Variants in TBCEL observed in about 807,000 individuals in gnomAD.
The protein encoded by TBCEL is tubulin-specific chaperone cofactor E-like protein.
TBCEL carries 15 observed loss-of-function variants against 44.2 expected under a neutral mutation model. The ratio of observed to expected loss-of-function variants is 0.34; its 90% CI spans 0.23 to 0.52. TBCEL has a LOEUF of 0.52. Ranked by LOEUF, TBCEL falls within the 20% of genes least tolerant of loss-of-function variation. The pLI is 0.95. For synonymous variants in TBCEL, 171 were observed against 185.4 expected (o/e 0.92, Z 0.63); for missense variants, 319 against 506.3 (o/e 0.63, Z 3.55).
chr11:121,028,851 T>C (rs543006156), intron 1 of TBCEL, among the ~76,000 whole-genome samples: 2 of 152,232 alleles, frequency 1.3e-5, no homozygotes, highest in African/African-American at 2.4e-5. Context: ...CATAAAGGTG[T>C]TTCCGCCTTC....
intron 8 of TBCEL, among the ~76,000 whole-genome samples, chr11:121,068,576 A>T (rs1315179360): frequency 6.6e-6 from 1 of 151,924 alleles, no homozygotes; most frequent in Admixed American, 6.6e-5. Flanking sequence ...CTAAGAACTC[A>T]AGTTGATTTT....
Position 121,087,172 on chromosome 11 carries a change from G to A in TBCEL, c.*76G>A. ...TTTGTTTTTAATGTGGTTTTCTTTA[G>A]GAGGGAGAGGTTGTTTTTGTTTTGT... On this transcript the variant is annotated 3_prime_UTR_variant, in exon 9 of 9. Coordinates refer to ENST00000683345, the MANE Select transcript of TBCEL (RefSeq NM_001363644.2). 2 of 1,374,508 alleles carry A rather than the reference G, an allele frequency of 1.5e-6. No individual in the cohort carries two copies. The highest frequency in any genetic ancestry group is 2.0e-6 in the Non-Finnish European group (2 of 1,008,750). 85.1% of individuals were successfully genotyped at this position (1,374,508 alleles called of 1,614,324 possible).
intron 2 of TBCEL, among the ~76,000 whole-genome samples, chr11:121,038,448 AAAC>A (rs1319122213): frequency 6.6e-6 from 1 of 152,196 alleles, no homozygotes; most frequent in Non-Finnish European, 1.5e-5. Context: ...TTAGAAAACA[AAAC>A]AAAAATTCCA....
In TBCEL at chr11:121,078,514, C is replaced by T. The variant is rs192958548; in HGVS notation, c.957-8264C>T. ...AAGCACCAAGTGATTTAATTCAGTT[C>T]CTGGTGGTGGAGCTATCTTTTTATT... On this transcript the variant is annotated intron_variant, in intron 8 of 8. Transcript: ENST00000683345. Among the ~76,000 whole-genome samples the T allele has an allele frequency of 2.6e-3, 395 of 152,268 alleles. 1 individual carries two copies. Among genetic ancestry groups the T allele is most frequent in the Non-Finnish European group, 4.3e-3 (292 of 68,006 alleles).
Position 121,087,139 on chromosome 11 carries a change from G to A in TBCEL, c.*43G>A, listed in dbSNP as rs768070185. On this transcript the variant is annotated 3_prime_UTR_variant, in exon 9 of 9. Transcript: ENST00000683345. Reference sequence around the variant, plus strand: ...AAAAACATACACATAAGGACTTGTTGCAGGGCATTTGTTTTTAATGTGGTT... The same window carrying A: ...AAAAACATACACATAAGGACTTGTTACAGGGCATTTGTTTTTAATGTGGTT... 4 of 1,546,426 alleles carry A rather than the reference G, an allele frequency of 2.6e-6. No individual in the cohort carries two copies. In the African/African-American group the frequency reaches 5.5e-5, roughly 21 times the overall value.
intron 2 of TBCEL, among the ~76,000 whole-genome samples, chr11:121,037,525 A>G (rs1195164538): frequency 6.6e-6 from 1 of 152,216 alleles, no homozygotes. Context: ...AAGTGTTTAT[A>G]TGGGAGAGAT....
intron 1 of TBCEL, among the ~76,000 whole-genome samples, chr11:121,033,446 C>T (rs889333611): frequency 3.3e-5 from 5 of 152,194 alleles, no homozygotes; most frequent in Middle Eastern, 3.4e-3. Context: ...AGATTGTATA[C>T]ATCGTAAATT....
intron 8 of TBCEL, among the ~76,000 whole-genome samples, chr11:121,065,790 C>T (rs1368769820): frequency 2.0e-5 from 3 of 152,238 alleles, no homozygotes; most frequent in African/African-American, 7.2e-5. Flanking sequence ...ATCACCAGCA[C>T]AGCACAGCAC....
intron 2 of TBCEL, among the ~76,000 whole-genome samples, chr11:121,044,998 C>G (rs1473649751): frequency 2.0e-5 from 3 of 152,058 alleles, no homozygotes; most frequent in Non-Finnish European, 4.4e-5. Context: ...GGATGCAGAG[C>G]CCTTTCAGCA....
intron 1 of TBCEL, among the ~76,000 whole-genome samples, chr11:121,031,657 T>C (rs886773375): frequency 1.3e-5 from 2 of 148,654 alleles, no homozygotes; most frequent in African/African-American, 2.5e-5. Context: ...ATTTCTTTTT[T>C]CTTTCTTTTT....
intron 8 of TBCEL, among the ~76,000 whole-genome samples, chr11:121,064,732 T>C (rs1333632586): frequency 6.6e-6 from 1 of 152,204 alleles, no homozygotes; most frequent in East Asian, 1.9e-4. Context: ...GGAAATGTCT[T>C]CTGGGTCCTT....
chr11:121,025,448 C>T (rs1945028860), intron 1 of TBCEL, among the ~76,000 whole-genome samples: 1 of 151,998 alleles, frequency 6.6e-6, no homozygotes, highest in Non-Finnish European at 1.5e-5. Flanking sequence ...GTATGTCTTA[C>T]ATTCAGATCT....
intron 8 of TBCEL, among the ~76,000 whole-genome samples, chr11:121,082,983 A>G (rs951491400): frequency 6.6e-6 from 1 of 152,106 alleles, no homozygotes; most frequent in Admixed American, 6.5e-5. Flanking sequence ...CCTCTACCCA[A>G]ACTGTTTCCA....
intron 4 of TBCEL, among the ~76,000 whole-genome samples, chr11:121,051,295 C>G (rs769289116): frequency 6.6e-6 from 1 of 151,492 alleles, no homozygotes; most frequent in African/African-American, 2.4e-5. Context: ...GTTTCAAAAC[C>G]CTTAAATTAT....
intron 8 of TBCEL, among the ~76,000 whole-genome samples, chr11:121,074,336 C>T (rs1280118459): frequency 6.6e-6 from 1 of 151,948 alleles, no homozygotes; most frequent in South Asian, 2.1e-4. Context: ...GTTATAGTTT[C>T]CATCGCTATT....
At chr11:121,067,769 TA>T (rs1370534976) in intron 8 of TBCEL, among the ~76,000 whole-genome samples, 2 of 152,236 alleles carry the variant, frequency 1.3e-5, no homozygotes, top group African/African-American at 4.8e-5. Flanking sequence ...TTTCAGTTAT[TA>T]GACTCTCAGG....
rs1198516590 is a variant in TBCEL, at chr11:121,059,875, A to T, written c.840-94A>T. 3.5e-5 allele frequency: 30 copies of T among 863,072 alleles called. 1 individual carries two copies. Among genetic ancestry groups the T allele is most frequent in the Non-Finnish European group, 5.0e-5 (28 of 559,592 alleles). 53.5% of individuals were successfully genotyped at this position (863,072 alleles called of 1,614,324 possible). A position where few individuals can be genotyped will look rare whatever the true frequency, so the allele number is the denominator to read the frequency against. ...ACTACATCAAATGTGTCCTTTCAAG[A>T]AAATAAGACTGGGCCACAAGCCAAT... On this transcript the variant is annotated intron_variant, in intron 7 of 8. Coordinates refer to ENST00000683345, the MANE Select transcript of TBCEL (RefSeq NM_001363644.2).
Position 121,087,351 on chromosome 11 carries a change from A to T in TBCEL, c.*255A>T, listed in dbSNP as rs946430362. ...TATGTGCCCTCTCTAAGGAAAGATG[A>T]CAAAGAAATCACCGACTTCTTACTG... On this transcript the variant is annotated 3_prime_UTR_variant, in exon 9 of 9. Coordinates refer to ENST00000683345, the MANE Select transcript of TBCEL (RefSeq NM_001363644.2). 2.2e-6 allele frequency: 1 copy of T among 456,868 alleles called. No homozygotes were observed. The highest frequency in any genetic ancestry group is 3.9e-6 in the Non-Finnish European group (1 of 253,576). 28.3% of individuals were successfully genotyped at this position (456,868 alleles called of 1,614,324 possible).
At chr11:121,055,660 C>T (rs909400193) in intron 6 of TBCEL, among the ~76,000 whole-genome samples, 43 of 151,758 alleles carry the variant, frequency 2.8e-4, no homozygotes, top group Non-Finnish European at 6.3e-4. Flanking sequence ...TTAAGAAATC[C>T]CAACCTGCTG....
Sources: allele counts gnomAD v4.1 joint callset (sites outside exome capture counted in the v4.1 genomes callset), GRCh38; gene constraint gnomAD v4.1.1; transcripts MANE v1.5; gene names NCBI Gene and HGNC (gene_info 2026-07-23, HGNC 2026-07-21).